Variants in PSMA1 observed in about 807,000 individuals in gnomAD.
The protein encoded by PSMA1 is proteasome 20S subunit alpha 1, also known as proteasome subunit alpha type-1.
PSMA1 carries 3 observed loss-of-function variants against 38.4 expected under a neutral mutation model. That is an observed-to-expected ratio of 0.08 (90% confidence interval 0.04 to 0.20). The LOEUF is 0.20. Ranked by LOEUF, PSMA1 falls within the 10% of genes least tolerant of loss-of-function variation. PSMA1 has a pLI of 1.00. For missense variants in PSMA1, 227 were observed against 325.3 expected (o/e 0.70, Z 2.32); for synonymous variants, 101 against 107.1 (o/e 0.94, Z 0.35).
chr11:14,625,576 G>T (rs183453287), intron 1 of PSMA1, among the ~76,000 whole-genome samples: 71 of 152,314 alleles, frequency 4.7e-4, no homozygotes, highest in Non-Finnish European at 8.8e-4. Context: ...CTCCTAGTCA[G>T]TAACAGCAAG....
At chr11:14,541,963 A>C (rs2134164761) in intron 2 of PSMA1, among the ~76,000 whole-genome samples, 1 of 152,364 alleles carries the variant, frequency 6.6e-6, no homozygotes, top group African/African-American at 2.4e-5. Context: ...GTGTAAGATT[A>C]GATTCCAGGC....
intron 1 of PSMA1, among the ~76,000 whole-genome samples, chr11:14,619,723 A>C (rs537075304): frequency 6.6e-6 from 1 of 152,292 alleles, no homozygotes; most frequent in African/African-American, 2.4e-5. Context: ...AATTTCAAAG[A>C]GGTTAGAAAT....
At chr11:14,583,070 T>A (rs1221728526) in intron 2 of PSMA1, among the ~76,000 whole-genome samples, 1 of 152,224 alleles carries the variant, frequency 6.6e-6, no homozygotes, top group Non-Finnish European at 1.5e-5. Context: ...TTGGCACTGA[T>A]GCTTTCAACA....
At position 14,593,546 on chromosome 11, in the gene PSMA1, G is replaced by A. The variant is rs972859671; in HGVS notation, c.21+17420C>T. 2.0e-5 allele frequency among the ~76,000 whole-genome samples: 3 copies of A among 150,030 alleles called. No homozygotes were observed. The South Asian group carries it at 6.3e-4, about 32-fold the overall frequency. ...GCCATGGTGGGAAGAAGGAAGAGAG[G>A]TCTGCTGAATGGAAAAGCAAAGACA... On this transcript the variant is annotated intron_variant, in intron 2 of 10. Transcript: ENST00000418988.
At chr11:14,617,281 A>G (rs917571459) in intron 1 of PSMA1, among the ~76,000 whole-genome samples, 1 of 152,174 alleles carries the variant, frequency 6.6e-6, no homozygotes, top group African/African-American at 2.4e-5. Context: ...TTGGGAAGGG[A>G]TATTTCCCCC....
At chr11:14,546,658 G>A (rs763528379) in intron 2 of PSMA1, among the ~76,000 whole-genome samples, 7 of 152,034 alleles carry the variant, frequency 4.6e-5, no homozygotes, top group Non-Finnish European at 8.8e-5. Flanking sequence ...GGCTGGTCTC[G>A]AACTCCTGAC....
At chr11:14,629,437 T>C (rs1366576656) in intron 1 of PSMA1, among the ~76,000 whole-genome samples, 1 of 152,170 alleles carries the variant, frequency 6.6e-6, no homozygotes, top group Non-Finnish European at 1.5e-5. Context: ...CCTTTCCCCA[T>C]TGCTTGTTTT....
At chr11:14,533,852 G>A (rs553444994) in intron 2 of PSMA1, among the ~76,000 whole-genome samples, 1 of 152,180 alleles carries the variant, frequency 6.6e-6, no homozygotes, top group South Asian at 2.1e-4. Context: ...GCTTGAATGG[G>A]AGAAAGGGGT....
chr11:14,631,852 G>A (rs1429850639), intron 1 of PSMA1, among the ~76,000 whole-genome samples: 1 of 150,614 alleles, frequency 6.6e-6, no homozygotes. Flanking sequence ...TGGTGCTCCT[G>A]TATTGGGTGC....
chr11:14,607,499 T>C (rs1358807114), intron 2 of PSMA1, among the ~76,000 whole-genome samples: 1 of 152,192 alleles, frequency 6.6e-6, no homozygotes, highest in Non-Finnish European at 1.5e-5. Context: ...GTAGGCAACA[T>C]TGTACCCCTG....
chr11:14,554,853 C>T (rs1224169735), intron 2 of PSMA1, among the ~76,000 whole-genome samples: 5 of 152,154 alleles, frequency 3.3e-5, no homozygotes, highest in Admixed American at 6.5e-5. Context: ...CCAGTTTTAT[C>T]GATGAGAAGA....
At chr11:14,567,447 C>T (rs906199149) in intron 2 of PSMA1, among the ~76,000 whole-genome samples, 2 of 152,168 alleles carry the variant, frequency 1.3e-5, no homozygotes, top group Non-Finnish European at 2.9e-5. Flanking sequence ...CTAACTGTAA[C>T]CATGCAAGGC....
chr11:14,584,355 G>A (rs778508129), intron 2 of PSMA1, among the ~76,000 whole-genome samples: 6 of 152,008 alleles, frequency 3.9e-5, no homozygotes, highest in Non-Finnish European at 8.8e-5. Flanking sequence ...CACGCTATTC[G>A]CAGGCTTTTC....
intron 2 of PSMA1, among the ~76,000 whole-genome samples, chr11:14,582,836 C>T (rs993333193): frequency 3.9e-5 from 6 of 152,144 alleles, no homozygotes; most frequent in Non-Finnish European, 7.4e-5. Flanking sequence ...CAGCCTCATA[C>T]ACTTCTTAAT....
chr11:14,546,361 G>T (rs1229074230), intron 2 of PSMA1, among the ~76,000 whole-genome samples: 1 of 151,984 alleles, frequency 6.6e-6, no homozygotes, highest in East Asian at 1.9e-4. Context: ...TACAGCAAAT[G>T]ATGTTAGAAT....
At chr11:14,582,591 C>T (rs933727293) in intron 2 of PSMA1, among the ~76,000 whole-genome samples, 1 of 152,152 alleles carries the variant, frequency 6.6e-6, no homozygotes, top group Non-Finnish European at 1.5e-5. Context: ...CATCTTGGCT[C>T]ACTGCAACCT....
intron 2 of PSMA1, among the ~76,000 whole-genome samples, chr11:14,548,621 G>A (rs748513789): frequency 2.6e-5 from 4 of 152,188 alleles, no homozygotes; most frequent in African/African-American, 9.7e-5. Flanking sequence ...ATGGAAATGA[G>A]CAAAGGCAAT....
chr11:14,514,897 A>G (rs1268238392), intron 4 of PSMA1, among the ~76,000 whole-genome samples: 1 of 152,194 alleles, frequency 6.6e-6, no homozygotes, highest in Non-Finnish European at 1.5e-5. Context: ...CATTTCTCCA[A>G]AAGAGCAAAT....
chr11:14,520,632 T>C (rs1346068859), upstream of PSMA1: 3 of 532,300 alleles, frequency 5.6e-6, no homozygotes, highest in Non-Finnish European at 9.2e-6. Flanking sequence ...TTCCCTCCAG[T>C]TTCTCCCGCT....
Sources: allele counts gnomAD v4.1 joint callset (sites outside exome capture counted in the v4.1 genomes callset), GRCh38; gene constraint gnomAD v4.1.1; transcripts MANE v1.5; gene names NCBI Gene and HGNC (gene_info 2026-07-23, HGNC 2026-07-21).